The following RGS6 variants were observed in gnomAD, a reference collection of about 807,000 sequenced individuals.
RGS6 encodes the protein regulator of G protein signaling 6, also known as regulator of G-protein signaling 6.
Under a neutral mutation model 78.5 loss-of-function variants are expected in RGS6, and 30 were observed. The ratio of observed to expected loss-of-function variants is 0.38; its 90% CI spans 0.29 to 0.52. The LOEUF (loss-of-function observed/expected upper bound fraction) is 0.52, where lower values mean the gene tolerates loss of function less well. Among genes scored for constraint, RGS6 ranks in the 20% least tolerant of loss-of-function variants. The pLI, the probability that RGS6 is intolerant of heterozygous loss-of-function variation, is 0.85. For synonymous variants in RGS6, 206 were observed against 206.0 expected, an observed-to-expected ratio of 1.00 and a Z score of 0.00; for missense variants, 495 against 609.7, an observed-to-expected ratio of 0.81 and a Z score of 1.98.
intron 1 of RGS6, among the ~76,000 whole-genome samples, chr14:71,961,303 T>G (rs2093178645): frequency 6.6e-6 from 1 of 152,176 alleles, no homozygotes; most frequent in African/African-American, 2.4e-5. Flanking sequence ...TCTGAGGGTC[T>G]AGCTCAGAGC....
At chr14:72,232,864 A>T (rs1354952259) in intron 2 of RGS6, among the ~76,000 whole-genome samples, 1 of 152,164 alleles carries the variant, frequency 6.6e-6, no homozygotes, top group African/African-American at 2.4e-5. Context: ...CATGGGATTG[A>T]CTGCCCTGGG....
intron 2 of RGS6, among the ~76,000 whole-genome samples, chr14:72,335,240 C>T (rs2075819679): frequency 6.6e-6 from 1 of 152,134 alleles, no homozygotes; most frequent in Non-Finnish European, 1.5e-5. Flanking sequence ...AGCGTGAGAA[C>T]AGACTAATAC....
At position 72,224,020 on chromosome 14, in the gene RGS6, A is replaced by G. The variant is rs542164425; in HGVS notation, c.85-128075A>G. The stretch of plus-strand genomic sequence containing the variant: ...CAAAGACATCAAAACATTTTGTAGT[A>G]AAGTATTGAGAAACCATTCAACTTG... On this transcript the variant is annotated intron_variant, in intron 2 of 17. Coordinates refer to ENST00000553525, the MANE Select transcript of RGS6 (RefSeq NM_001204424.2). 3.4e-4 allele frequency among the ~76,000 whole-genome samples: 52 copies of G among 152,380 alleles called. 1 individual carries two copies. The highest frequency in any genetic ancestry group is 1.1e-3 in the African/African-American group (47 of 41,598).
chr14:72,501,506 C>G (rs190243100), intron 13 of RGS6, among the ~76,000 whole-genome samples: 1 of 152,174 alleles, frequency 6.6e-6, no homozygotes, highest in Admixed American at 6.5e-5. Context: ...CAGAACAAGA[C>G]CCCTAAAGAA....
chr14:72,325,691 T>G (rs2073548066), intron 2 of RGS6, among the ~76,000 whole-genome samples: 1 of 151,862 alleles, frequency 6.6e-6, no homozygotes, highest in Admixed American at 6.6e-5. Flanking sequence ...TTGAATAAAA[T>G]TAAAAAACAA....
the RGS6 span, among the ~76,000 whole-genome samples, chr14:72,592,773 T>C: frequency 1.3e-5 from 2 of 152,200 alleles, no homozygotes; most frequent in Non-Finnish European, 2.9e-5. Context: ...ATGTCTGCTA[T>C]GATGGATGGA....
rs1207702692 is a variant in RGS6 at position 72,108,276 on chromosome 14, C to A, written c.84+143401C>A. 2.0e-5 allele frequency among the ~76,000 whole-genome samples: 3 copies of A among 152,102 alleles called. No individual in the cohort carries two copies. In the South Asian group the frequency reaches 6.2e-4, roughly 31 times the overall value. ...GATCATATCCTTCTGGCATAAAACC[C>A]TGTCAAATTCTAGTGATAATCCAGT... On this transcript the variant is annotated intron_variant, in intron 2 of 17. Coordinates refer to ENST00000553525, the MANE Select transcript of RGS6 (RefSeq NM_001204424.2).
At chr14:72,133,072 C>T (rs748497936) in intron 2 of RGS6, among the ~76,000 whole-genome samples, 8 of 152,000 alleles carry the variant, frequency 5.3e-5, no homozygotes, top group Non-Finnish European at 7.4e-5. Context: ...ACTGGGGGGC[C>T]GAGAAGATGT....
intron 2 of RGS6, among the ~76,000 whole-genome samples, chr14:72,156,418 C>A (rs202112888): frequency 7.1e-6 from 1 of 141,134 alleles, no homozygotes; most frequent in Admixed American, 7.5e-5. Context: ...GCTGCCACTG[C>A]ACTCCAGCCT....
At chr14:72,434,117 C>T (rs560286549) in intron 3 of RGS6, among the ~76,000 whole-genome samples, 1 of 152,286 alleles carries the variant, frequency 6.6e-6, no homozygotes, top group African/African-American at 2.4e-5. Context: ...AGGAGGATCT[C>T]TTGAGCCCAG....
chr14:72,347,570 A>G (rs2078290944), intron 2 of RGS6, among the ~76,000 whole-genome samples: 1 of 152,236 alleles, frequency 6.6e-6, no homozygotes. Context: ...TCTTGTCTAT[A>G]AAATGGGGAT....
intron 17 of RGS6, among the ~76,000 whole-genome samples, chr14:72,557,431 C>T (rs2097596425): frequency 1.3e-5 from 2 of 152,158 alleles, no homozygotes; most frequent in African/African-American, 2.4e-5. Context: ...GGGGCAGCAA[C>T]CTTCCGGGAG....
chr14:72,454,662 C>T (rs919782608), intron 4 of RGS6, 84 bp downstream of exon 4: 6 of 994,986 alleles, frequency 6.0e-6, no homozygotes, highest in Non-Finnish European at 7.6e-6. Context: ...TTCCCCTGCC[C>T]TCCTGAGAAC....
intron 2 of RGS6, among the ~76,000 whole-genome samples, chr14:72,083,265 A>C (rs1213425472): frequency 6.6e-6 from 1 of 152,186 alleles, no homozygotes; most frequent in Non-Finnish European, 1.5e-5. Context: ...GTTCCCAACC[A>C]GGTGGAGTTT....
chr14:72,562,348 T>A, intron 17 of RGS6, 69 bp from the exon 18 acceptor site: 4 of 1,495,046 alleles, frequency 2.7e-6, no homozygotes, highest in Non-Finnish European at 3.7e-6. Flanking sequence ...AATTCACCTG[T>A]CTGGCTCTCT....
intron 2 of RGS6, among the ~76,000 whole-genome samples, chr14:72,017,326 T>C (rs1226414951): frequency 1.3e-5 from 2 of 152,270 alleles, no homozygotes; most frequent in Non-Finnish European, 2.9e-5. Context: ...TCATTAATTT[T>C]CATGGTTTAG....
chr14:72,359,409 G>T (rs1467176883), intron 3 of RGS6, among the ~76,000 whole-genome samples: 6 of 152,124 alleles, frequency 3.9e-5, no homozygotes, highest in Non-Finnish European at 8.8e-5. Flanking sequence ...TTAGCTGAAG[G>T]GTAAGAAATC....
At chr14:72,190,942 G>T (rs1007950313) in intron 2 of RGS6, among the ~76,000 whole-genome samples, 19 of 152,156 alleles carry the variant, frequency 1.2e-4, no homozygotes, top group Admixed American at 1.2e-3. Context: ...CTGGGTATCA[G>T]GTAGAAATAG....
intron 11 of RGS6, among the ~76,000 whole-genome samples, chr14:72,477,847 T>C (rs1446148450): frequency 6.6e-6 from 1 of 151,822 alleles, no homozygotes; most frequent in African/African-American, 2.4e-5. Context: ...AAAAAGCTAT[T>C]TGATGATTCC....
Sources: gnomAD v4.1 joint callset for allele counts (sites outside exome capture counted in the v4.1 genomes callset) on GRCh38, gnomAD v4.1.1 for gene constraint, MANE v1.5 for transcripts, NCBI Gene and HGNC (gene_info 2026-07-23, HGNC 2026-07-21) for gene names.